The following STIM1 variants were observed in gnomAD, a reference collection of about 807,000 sequenced individuals.
The protein encoded by STIM1 is stromal interaction molecule 1.
A neutral mutation model predicts 74.7 loss-of-function variants in STIM1; 25 were observed. The ratio of observed to expected loss-of-function variants is 0.33; its 90% CI spans 0.24 to 0.47. STIM1 has a LOEUF of 0.47. Ranked by LOEUF, STIM1 falls within the 20% of genes least tolerant of loss-of-function variation. The pLI, the probability that STIM1 is intolerant of heterozygous loss-of-function variation, is 1.00. For synonymous variants in STIM1, 328 were observed against 348.8 expected, an observed-to-expected ratio of 0.94 and a Z score of 0.66; for missense variants, 728 against 920.8, an observed-to-expected ratio of 0.79 and a Z score of 2.71.
intron 3 of STIM1, among the ~76,000 whole-genome samples, chr11:4,053,540 T>A (rs1431889851): frequency 6.6e-6 from 1 of 151,304 alleles, no homozygotes; most frequent in Non-Finnish European, 1.5e-5. Flanking sequence ...GTGAGAACAC[T>A]TGGACACAGG....
chr11:4,050,593 A>G (rs1444594314), intron 3 of STIM1, among the ~76,000 whole-genome samples: 1 of 152,182 alleles, frequency 6.6e-6, no homozygotes, highest in Non-Finnish European at 1.5e-5. Flanking sequence ...AAATATTTAA[A>G]TTTGAGATAT....
intron 3 of STIM1, among the ~76,000 whole-genome samples, chr11:4,050,333 A>T (rs1332772731): frequency 6.6e-6 from 1 of 152,190 alleles, no homozygotes; most frequent in Non-Finnish European, 1.5e-5. Flanking sequence ...GCCACCAAAA[A>T]GGGAAGTGGA....
rs115388076 is a variant in STIM1 at position 4,085,551 on chromosome 11, G to A, written c.1567+786G>A. Among the ~76,000 whole-genome samples the A allele has an allele frequency of 9.5e-3, 1,445 of 152,334 alleles. 25 individuals carry two copies. Among genetic ancestry groups the A allele is most frequent in the African/African-American group, 0.033 (1,365 of 41,576 alleles). ...TGTGCTTATTGGAAAGCGAAAAAGA[G>A]TGAACATTAGCATAAAAAGCATCCA... On this transcript the variant is annotated intron_variant, in intron 11 of 12. Coordinates refer to ENST00000526596, the MANE Select transcript of STIM1 (RefSeq NM_001382567.1).
intron 2 of STIM1, among the ~76,000 whole-genome samples, chr11:3,968,942 C>T (rs1485046853): frequency 6.6e-6 from 1 of 152,154 alleles, no homozygotes; most frequent in Non-Finnish European, 1.5e-5. Flanking sequence ...AAAGGTTAAG[C>T]ATTTTCTTCA....
chr11:3,951,646 T>G (rs1590595228), intron 1 of STIM1, among the ~76,000 whole-genome samples: 1 of 152,302 alleles, frequency 6.6e-6, no homozygotes, highest in East Asian at 1.9e-4. Flanking sequence ...CCAGCCTTAC[T>G]GATTGAACCC....
intron 5 of STIM1, among the ~76,000 whole-genome samples, chr11:4,067,424 G>A (rs2094375190): frequency 1.3e-5 from 2 of 152,180 alleles, no homozygotes; most frequent in Admixed American, 1.3e-4. Flanking sequence ...GGAAAACTCA[G>A]GCCTTGGAAC....
intron 2 of STIM1, among the ~76,000 whole-genome samples, chr11:4,007,940 T>C (rs915350195): frequency 1.3e-5 from 2 of 152,108 alleles, no homozygotes; most frequent in Non-Finnish European, 2.9e-5. Context: ...AGATAGGGGA[T>C]TGAGACCTCC....
At position 4,086,651 on chromosome 11, in the gene STIM1, G is replaced by A. The variant is rs558599650; in HGVS notation, c.1634+108G>A. 3.9e-6 allele frequency: 6 copies of A among 1,558,238 alleles called. No homozygotes were observed. The East Asian group carries it at 1.2e-4, about 31-fold the overall frequency. ...TTCAGTTCTGAAGGCTACGGGACCA[G>A]CTCTCCATCTGCCTCTGCTGCTGCT... On this transcript the variant is annotated intron_variant, in intron 12 of 12. Coordinates refer to ENST00000526596, the MANE Select transcript of STIM1 (RefSeq NM_001382567.1).
At chr11:3,920,619 C>T (rs770674994) in intron 1 of STIM1, among the ~76,000 whole-genome samples, 10 of 152,018 alleles carry the variant, frequency 6.6e-5, no homozygotes, top group Non-Finnish European at 1.3e-4. Context: ...TTAAAGATAG[C>T]ACCCATACTG....
chr11:3,980,686 A>C (rs4910589), intron 2 of STIM1, among the ~76,000 whole-genome samples: 43,767 of 150,786 alleles, frequency 0.29, 6,651 homozygotes, highest in South Asian at 0.45. Context: ...ACAACAAAAA[A>C]AAACAAATAG....
intron 2 of STIM1, among the ~76,000 whole-genome samples, chr11:3,986,999 ACTTGGTGT>A (rs1212709801): frequency 6.6e-6 from 1 of 152,204 alleles, no homozygotes; most frequent in Non-Finnish European, 1.5e-5. Flanking sequence ...TTATCTAGCC[ACTTGGTGT>A]CTTGAGGAGG....
At chr11:4,026,781 T>C (rs2094001260) in intron 3 of STIM1, among the ~76,000 whole-genome samples, 1 of 152,246 alleles carries the variant, frequency 6.6e-6, no homozygotes. Flanking sequence ...ATGGCACTTT[T>C]GTGTCCTCTC....
chr11:3,974,020 A>G (rs2093421673), intron 2 of STIM1: 11 of 690,518 alleles, frequency 1.6e-5, no homozygotes, highest in South Asian at 1.5e-4. Context: ...GTAGCCTTGC[A>G]TTCACGGCTG....
At chr11:3,890,941 T>C (rs2091876059) in intron 1 of STIM1, among the ~76,000 whole-genome samples, 1 of 152,124 alleles carries the variant, frequency 6.6e-6, no homozygotes, top group Admixed American at 6.6e-5. Flanking sequence ...TCTAAACTTG[T>C]AAAAGAATCA....
rs1199018766 is a variant in STIM1, at chr11:4,055,614, G to A, written c.474G>A (p.Gln158=). The change falls in exon 4 of 13, where the codon CAG becomes CAA. Residue 158 remains glutamine (Q), a synonymous_variant. Transcript: ENST00000526596. ...PQYEETFRKL[Q]LSGHAMPRLA... is the part of the protein sequence containing the mutation. Reference sequence around the variant, plus strand: ...ATGAGGAGACCTTCCGGAAGCTGCAGCTCAGTGGCCATGCCATGCCAAGGT... The same window carrying A: ...ATGAGGAGACCTTCCGGAAGCTGCAACTCAGTGGCCATGCCATGCCAAGGT... 1.9e-6 allele frequency: 3 copies of A among 1,592,294 alleles called. No homozygotes were observed. Among genetic ancestry groups the A allele is most frequent in the Non-Finnish European group, 2.6e-6 (3 of 1,169,986 alleles).
At chr11:3,938,933 C>G (rs2092970451) in intron 1 of STIM1, among the ~76,000 whole-genome samples, 1 of 152,146 alleles carries the variant, frequency 6.6e-6, no homozygotes. Flanking sequence ...GCAGTCTGAA[C>G]CAGTATCTTG....
At chr11:3,925,836 C>G (rs2092781501) in intron 1 of STIM1, among the ~76,000 whole-genome samples, 1 of 152,104 alleles carries the variant, frequency 6.6e-6, no homozygotes, top group Non-Finnish European at 1.5e-5. Context: ...CTGTCTGGCC[C>G]TTTACATGAA....
intron 1 of STIM1, among the ~76,000 whole-genome samples, chr11:3,865,737 C>G (rs1286211619): frequency 1.3e-5 from 2 of 152,132 alleles, no homozygotes; most frequent in Non-Finnish European, 2.9e-5. Context: ...CAGCTGGCTC[C>G]ATTATGGATT....
Position 4,007,823 on chromosome 11 carries a change from T to G in STIM1, c.271-16050T>G, listed in dbSNP as rs769482117. ...CTGTATAAATGCATGTGCATAAGTC[T>G]GTGAGTGGTGAGAGCTGTGGGAAAA... is the stretch of plus-strand genomic sequence containing the variant. On this transcript the variant is annotated intron_variant, in intron 2 of 12. Transcript: ENST00000526596. Among the ~76,000 whole-genome samples the G allele has an allele frequency of 5.9e-5, 9 of 152,146 alleles. 1 individual carries two copies. The highest frequency in any genetic ancestry group is 1.0e-4 in the Non-Finnish European group (7 of 68,006).
Sources: allele counts gnomAD v4.1 joint callset (sites outside exome capture counted in the v4.1 genomes callset), GRCh38; gene constraint gnomAD v4.1.1; transcripts MANE v1.5; gene names NCBI Gene and HGNC (gene_info 2026-07-23, HGNC 2026-07-21).